The following RABL3 variants were observed in gnomAD, a reference collection of about 807,000 sequenced individuals.
The protein encoded by RABL3 is RAB, member of RAS oncogene family like 3, also known as rab-like protein 3.
RABL3 carries 31 observed loss-of-function variants against 31.8 expected under a neutral mutation model. The observed-to-expected ratio is 0.97, with a 90% confidence interval of 0.73 to 1.31. The LOEUF (loss-of-function observed/expected upper bound fraction) is 1.31, where lower values mean the gene tolerates loss of function less well. RABL3 is among the 40% of genes most tolerant of loss of function. The pLI, the probability that RABL3 is intolerant of heterozygous loss-of-function variation, is 0.00. For missense variants in RABL3, 263 were observed against 279.6 expected (o/e 0.94, Z 0.42); for synonymous variants, 97 against 99.9 (o/e 0.97, Z 0.18).
chr3:120,739,750 C>A (rs1250436628), intron 1 of RABL3, among the ~76,000 whole-genome samples: 1 of 152,030 alleles, frequency 6.6e-6, no homozygotes, highest in African/African-American at 2.4e-5. Context: ...ATTGTTGATT[C>A]TGTATTTGTA....
chr3:120,714,019 C>A (rs1057457732), intron 2 of RABL3, among the ~76,000 whole-genome samples: 23 of 152,088 alleles, frequency 1.5e-4, no homozygotes, highest in Admixed American at 1.5e-3. Context: ...ACCATATTGG[C>A]CAGGCTGGTC....
At chr3:120,741,982 A>G (rs1709049113) in intron 1 of RABL3, among the ~76,000 whole-genome samples, 1 of 152,140 alleles carries the variant, frequency 6.6e-6, no homozygotes, top group South Asian at 2.1e-4. Context: ...GGATAACAGG[A>G]CTGTCTCAGA....
chr3:120,738,529 C>G (rs765268617), intron 1 of RABL3: 1 of 153,138 alleles, frequency 6.5e-6, no homozygotes, highest in Non-Finnish European at 1.5e-5. Context: ...CTTGGTACCT[C>G]GTTGGAAATG....
At chr3:120,724,358 A>T (rs1708789682) in intron 2 of RABL3, among the ~76,000 whole-genome samples, 1 of 152,242 alleles carries the variant, frequency 6.6e-6, no homozygotes, top group Non-Finnish European at 1.5e-5. Flanking sequence ...CAATATCATG[A>T]AAATGGCCAT....
intron 1 of RABL3, among the ~76,000 whole-genome samples, chr3:120,739,333 C>T (rs78514333): frequency 0.072 from 10,979 of 151,466 alleles, 1,314 homozygotes; most frequent in East Asian, 0.47. Context: ...GCCGAGATTG[C>T]GCCACTGCAC....
chr3:120,719,214 G>A (rs748706781), intron 2 of RABL3, among the ~76,000 whole-genome samples: 14 of 152,218 alleles, frequency 9.2e-5, no homozygotes, highest in Admixed American at 2.6e-4. Context: ...TGGACGTGGG[G>A]AGGGTGGAGC....
intron 6 of RABL3, 76 bp from the exon 7 acceptor site, chr3:120,690,563 T>A: frequency 2.1e-6 from 2 of 954,552 alleles, no homozygotes; most frequent in Non-Finnish European, 3.4e-6. Flanking sequence ...CCACTAATGG[T>A]ACTAAAAGGA....
intron 2 of RABL3, among the ~76,000 whole-genome samples, chr3:120,729,261 C>T (rs1708856094): frequency 6.6e-6 from 1 of 152,054 alleles, no homozygotes; most frequent in Admixed American, 6.5e-5. Context: ...TTTACATTAT[C>T]TAGATTTACA....
rs1404388589 is a variant in RABL3 at position 120,706,069 on chromosome 3, T to C, written c.314A>G (p.Asn105Ser). The C allele has an allele frequency of 6.2e-7, 1 of 1,613,876 alleles. No individual in the cohort carries two copies. The highest frequency in any genetic ancestry group is 2.2e-5 in the East Asian group (1 of 44,864). Reference protein sequence around the residue: ...HDLTNKKSSQNLRRWSLEALN... With the variant: ...HDLTNKKSSQSLRRWSLEALN... ...AGCTTCCAATGACCAACGACGCAAG[T>C]TTTGGGAGGACTTCTTATTTGTTAA... Residue 105 changes from asparagine to serine, a missense_variant, in exon 4 of 8, where the codon AAC (asparagine) becomes AGC (serine). Asn to Ser is a conservative substitution (Grantham distance 46, BLOSUM62 1). Coordinates refer to ENST00000273375, the MANE Select transcript of RABL3 (RefSeq NM_173825.5).
intron 1 of RABL3, among the ~76,000 whole-genome samples, chr3:120,731,775 G>A (rs989147777): frequency 4.6e-5 from 7 of 152,154 alleles, no homozygotes; most frequent in African/African-American, 1.7e-4. Context: ...ATGAGGGCCA[G>A]GCACGGTGGC....
intron 2 of RABL3, among the ~76,000 whole-genome samples, chr3:120,715,613 T>C (rs549105357): frequency 1.3e-5 from 2 of 152,296 alleles, no homozygotes; most frequent in African/African-American, 4.8e-5. Context: ...AACATGTGAC[T>C]ACTTAGCAAT....
At chr3:120,741,591 T>C (rs970889929) in intron 1 of RABL3, among the ~76,000 whole-genome samples, 1 of 152,144 alleles carries the variant, frequency 6.6e-6, no homozygotes, top group Admixed American at 6.5e-5. Flanking sequence ...ATAAGGGCAG[T>C]GAGGTGGGAG....
chr3:120,686,255 G>C lies in RABL3; in HGVS notation c.*3568C>G, dbSNP rs1342501581. On this transcript the variant is annotated 3_prime_UTR_variant, in exon 8 of 8. Transcript: ENST00000273375. Reference sequence around the variant, plus strand: ...TTTTAACATATATTAAACCAATGCAGACACCCTGTTAGACCTTTAAACTTC... The same window carrying C: ...TTTTAACATATATTAAACCAATGCACACACCCTGTTAGACCTTTAAACTTC... 6.6e-6 allele frequency among the ~76,000 whole-genome samples: 1 copy of C among 152,094 alleles called. No individual in the cohort carries two copies. Among genetic ancestry groups the C allele is most frequent in the African/African-American group, 2.4e-5 (1 of 41,398 alleles).
intron 2 of RABL3, among the ~76,000 whole-genome samples, chr3:120,712,988 T>G (rs1454079038): frequency 6.6e-6 from 1 of 151,632 alleles, no homozygotes; most frequent in East Asian, 1.9e-4. Context: ...GTTCCCTAGG[T>G]GATTCTGATA....
At chr3:120,694,967 T>TC (rs1276855822) in intron 5 of RABL3, among the ~76,000 whole-genome samples, 1 of 151,820 alleles carries the variant, frequency 6.6e-6, no homozygotes, top group Non-Finnish European at 1.5e-5. Flanking sequence ...AGCTGTTTTT[T>TC]TTTTTTTTTG....
At chr3:120,724,500 C>G (rs1708792193) in intron 2 of RABL3, among the ~76,000 whole-genome samples, 1 of 152,208 alleles carries the variant, frequency 6.6e-6, no homozygotes, top group Non-Finnish European at 1.5e-5. Flanking sequence ...CAAGTCAATC[C>G]TATGCCAAAA....
chr3:120,740,129 T>G (rs554999465), intron 1 of RABL3, among the ~76,000 whole-genome samples: 2 of 152,298 alleles, frequency 1.3e-5, no homozygotes, highest in Admixed American at 1.3e-4. Context: ...AGCTGTTTGG[T>G]AATATGTTAA....
intron 2 of RABL3, among the ~76,000 whole-genome samples, chr3:120,719,962 G>A (rs1265321335): frequency 3.3e-5 from 5 of 152,132 alleles, no homozygotes; most frequent in African/African-American, 4.8e-5. Context: ...CACCTCACAC[G>A]GCCAGGTACT....
chr3:120,704,209 C>T (rs556767230), intron 4 of RABL3, among the ~76,000 whole-genome samples: 1 of 152,154 alleles, frequency 6.6e-6, no homozygotes, highest in Non-Finnish European at 1.5e-5. Context: ...TACACCATGA[C>T]CAAGGAATGG....
Sources: allele counts gnomAD v4.1 joint callset (sites outside exome capture counted in the v4.1 genomes callset), GRCh38; gene constraint gnomAD v4.1.1; transcripts MANE v1.5; gene names NCBI Gene and HGNC (gene_info 2026-07-23, HGNC 2026-07-21).